Variants in C1orf52 observed in about 807,000 individuals in gnomAD.
C1orf52 encodes the protein UPF0690 protein C1orf52.
Under a neutral mutation model 17.2 loss-of-function variants are expected in C1orf52, and 5 were observed. That is an observed-to-expected ratio of 0.29 (90% CI 0.15 to 0.61). The LOEUF (loss-of-function observed/expected upper bound fraction) is 0.61. Among genes scored for constraint, C1orf52 ranks in the 20% least tolerant of loss-of-function variants. The probability of loss-of-function intolerance (pLI) is 0.85; values close to 1 mark genes in which losing one functional copy is unlikely to be tolerated. For synonymous variants in C1orf52, 110 were observed against 88.0 expected, an observed-to-expected ratio of 1.25 and a Z score of -1.40; for missense variants, 245 against 234.1, an observed-to-expected ratio of 1.05 and a Z score of -0.30.
intron 2 of C1orf52, among the ~76,000 whole-genome samples, chr1:85,256,882 G>C (rs1659957925): frequency 6.6e-6 from 1 of 151,758 alleles, no homozygotes; most frequent in South Asian, 2.1e-4. Context: ...TTTAAGGTCT[G>C]CAAAAAGATG....
chr1:85,253,292 A>T (rs1659847708), intron 2 of C1orf52, among the ~76,000 whole-genome samples: 1 of 152,216 alleles, frequency 6.6e-6, no homozygotes, highest in Non-Finnish European at 1.5e-5. Context: ...TTCTTTTTAC[A>T]AAAAATAGGT....
Position 85,259,386 on chromosome 1 carries a change from T to C in C1orf52, c.248A>G (p.Glu83Gly), listed in dbSNP as rs547428583. 6 of 1,613,550 alleles carry C rather than the reference T, an allele frequency of 3.7e-6. No individual in the cohort carries two copies. The East Asian group carries it at 8.9e-5, about 24-fold the overall frequency. The change falls in exon 1 of 3, where the codon GAG becomes GGG. Residue 83 changes from glutamate (E) to glycine (G), a missense_variant. By Grantham distance (98) the Glu-to-Gly change is moderately conservative (BLOSUM62 -2). Coordinates refer to ENST00000471115, the MANE Select transcript of C1orf52 (RefSeq NM_198077.4). The part of the protein sequence containing the change: ...YNPLNKQIDW[E>G]RHVVKAPEEP... ...CTCAGGCGCCTTGACGACGTGCCTC[T>C]CCCAGTCTATCTGTTTGTTGAGCGG...
In C1orf52 at chr1:85,252,082, C is replaced by T. The variant is rs1659814064; in HGVS notation, c.*547G>A. 6.6e-6 allele frequency: 1 copy of T among 152,396 alleles called. No individual in the cohort carries two copies. Among genetic ancestry groups the T allele is most frequent in the Non-Finnish European group, 1.5e-5 (1 of 68,132 alleles). The allele number at this position is 152,396 out of a possible 1,614,324, so 9.4% of individuals were successfully genotyped here. A position where few individuals can be genotyped will look rare whatever the true frequency, so the allele number is the denominator to read the frequency against. On this transcript the variant is annotated 3_prime_UTR_variant, in exon 3 of 3. Coordinates refer to ENST00000471115, the MANE Select transcript of C1orf52 (RefSeq NM_198077.4). ...ATATATGCACAAAGCACCTGGAACA[C>T]AGGAGGCACTCTTTAAATGGTAATA... is the stretch of plus-strand genomic sequence containing the variant.
intron 2 of C1orf52, among the ~76,000 whole-genome samples, chr1:85,255,075 T>C (rs1336190712): frequency 6.6e-6 from 1 of 152,232 alleles, no homozygotes; most frequent in African/African-American, 2.4e-5. Flanking sequence ...GGAAACAATT[T>C]TTTTATTATG....
chr1:85,253,524 C>T (rs1227598778), intron 2 of C1orf52, among the ~76,000 whole-genome samples: 1 of 152,126 alleles, frequency 6.6e-6, no homozygotes, highest in African/African-American at 2.4e-5. Flanking sequence ...CTCCCCATCC[C>T]CACTCCCACG....
rs570140498 is a variant in C1orf52, at chr1:85,259,656, G to A, written c.-23C>T. ...CATGACGGCTGCGAGCGACAACCCAGCACTCCGCCGGAAGCCGGAAACCGG... is the reference window on the plus strand; with the variant it reads ...CATGACGGCTGCGAGCGACAACCCAACACTCCGCCGGAAGCCGGAAACCGG... On this transcript the variant is annotated 5_prime_UTR_variant, in exon 1 of 3. Transcript: ENST00000471115. The A allele has an allele frequency of 2.7e-6, 4 of 1,500,700 alleles. No individual in the cohort carries two copies. Among genetic ancestry groups the A allele is most frequent in the Admixed American group, 4.3e-5 (2 of 46,592 alleles). The allele number at this position is 1,500,700 out of a possible 1,614,324, so 93.0% of individuals were successfully genotyped here. A position where few individuals can be genotyped will look rare whatever the true frequency, so the allele number is the denominator to read the frequency against.
chr1:85,257,318 G>A (rs541914318), intron 2 of C1orf52: 615 of 629,774 alleles, frequency 9.8e-4, no homozygotes, highest in Non-Finnish European at 1.6e-3. Context: ...ATTATTAGAG[G>A]TGATACCTGA....
chr1:85,258,428 T>C lies in C1orf52; in HGVS notation c.475+96A>G, dbSNP rs561173668. ...AAGACCATCAAATTAGTTTGTCAAT[T>C]CGCTAGATTTAATTTTCATTCATTA... On this transcript the variant is annotated intron_variant, in intron 2 of 2. Coordinates refer to ENST00000471115, the MANE Select transcript of C1orf52 (RefSeq NM_198077.4). 4.8e-5 allele frequency: 53 copies of C among 1,105,334 alleles called. No homozygotes were observed. The East Asian group carries it at 1.3e-3, about 26-fold the overall frequency. The allele number at this position is 1,105,334 out of a possible 1,614,324, so 68.5% of individuals were successfully genotyped here. A position where few individuals can be genotyped will look rare whatever the true frequency, so the allele number is the denominator to read the frequency against.
intron 2 of C1orf52, chr1:85,257,325 C>G: frequency 1.6e-6 from 1 of 632,066 alleles, no homozygotes; most frequent in Non-Finnish European, 2.9e-6. Context: ...GAGGTGATAC[C>G]TGAGATTTCT....
In C1orf52 at chr1:85,259,648, A is replaced by G. The variant is rs1275908830; in HGVS notation, c.-15T>C. 1.3e-6 allele frequency: 2 copies of G among 1,516,054 alleles called. No homozygotes were observed. Among genetic ancestry groups the G allele is most frequent in the South Asian group, 1.2e-5 (1 of 81,598 alleles). 93.9% of individuals were successfully genotyped at this position (1,516,054 alleles called of 1,614,324 possible). On this transcript the variant is annotated 5_prime_UTR_variant, in exon 1 of 3. Coordinates refer to ENST00000471115, the MANE Select transcript of C1orf52 (RefSeq NM_198077.4). ...TCCGCTGCCATGACGGCTGCGAGCG[A>G]CAACCCAGCACTCCGCCGGAAGCCG...
Position 85,259,377 on chromosome 1 carries a change from A to G in C1orf52, c.257T>C (p.Val86Ala). 1.2e-6 allele frequency: 2 copies of G among 1,611,492 alleles called. No homozygotes were observed. Among genetic ancestry groups the G allele is most frequent in the Non-Finnish European group, 1.7e-6 (2 of 1,177,862 alleles). ...CCTCACCTCCTCAGGCGCCTTGACG[A>G]CGTGCCTCTCCCAGTCTATCTGTTT... Reference protein sequence around the residue: ...LNKQIDWERHVVKAPEEPPKE... With the variant: ...LNKQIDWERHAVKAPEEPPKE... The change falls in exon 1 of 3, where the codon GTC becomes GCC. Residue 86 changes from valine to alanine, a missense_variant. Coordinates refer to ENST00000471115, the MANE Select transcript of C1orf52 (RefSeq NM_198077.4).
At position 85,258,623 on chromosome 1, in the gene C1orf52, T is replaced by C. The variant is rs756356325; in HGVS notation, c.376A>G (p.Ile126Val). 3 of 1,614,100 alleles carry C rather than the reference T, an allele frequency of 1.9e-6. No individual in the cohort carries two copies. The highest frequency in any genetic ancestry group is 1.3e-5 in the African/African-American group (1 of 75,040). Residue 126 changes from isoleucine (I) to valine (V), a missense_variant, in exon 2 of 3, where the codon ATA becomes GTA. Coordinates refer to ENST00000471115, the MANE Select transcript of C1orf52 (RefSeq NM_198077.4). ...KPPPPELDMAIKWSNIYEDNG... is the reference protein window; with the variant it reads ...KPPPPELDMAVKWSNIYEDNG... ...TCCTCATATATGTTAGACCATTTTA[T>C]TGCCATGTCAAGCTCTGGAGGCGGA... is the stretch of plus-strand genomic sequence containing the variant.
Position 85,257,940 on chromosome 1 carries a change from T to G in C1orf52, c.475+584A>C, listed in dbSNP as rs1249818648. On this transcript the variant is annotated intron_variant, in intron 2 of 2. Transcript: ENST00000471115. ...GACCAACATGGTGAAACCCCACCTCTACAAAAACAAAAAAAACAAAAAAAA... is the reference window on the plus strand; with the variant it reads ...GACCAACATGGTGAAACCCCACCTCGACAAAAACAAAAAAAACAAAAAAAA... 2.6e-5 allele frequency among the ~76,000 whole-genome samples: 4 copies of G among 151,746 alleles called. No individual in the cohort carries two copies. In the East Asian group the frequency reaches 7.8e-4, roughly 29 times the overall value.
In C1orf52 at chr1:85,252,243, A is replaced by T. The variant is rs1476647149; in HGVS notation, c.*386T>A. 5.2e-6 allele frequency: 1 copy of T among 191,204 alleles called. No individual in the cohort carries two copies. Among genetic ancestry groups the T allele is most frequent in the African/African-American group, 2.4e-5 (1 of 41,962 alleles). The allele number at this position is 191,204 out of a possible 1,614,324, so 11.8% of individuals were successfully genotyped here. On this transcript the variant is annotated 3_prime_UTR_variant, in exon 3 of 3. Coordinates refer to ENST00000471115, the MANE Select transcript of C1orf52 (RefSeq NM_198077.4). ...TCCATGATCTATTTACACTGTACAA[A>T]GACTGTTGAAAAGCACCCTACAAGT...
At chr1:85,259,171 G>A (rs1349163672) in intron 1 of C1orf52, 187 bp downstream of exon 1, 3 of 1,127,882 alleles carry the variant, frequency 2.7e-6, no homozygotes, top group Non-Finnish European at 3.7e-6. Flanking sequence ...CTGCGGGTCC[G>A]GTCTAACACC....
At position 85,259,647 on chromosome 1, in the gene C1orf52, G is replaced by A. The variant is rs527624693; in HGVS notation, c.-14C>T. 11 of 1,529,502 alleles carry A rather than the reference G, an allele frequency of 7.2e-6. No individual in the cohort carries two copies. Among genetic ancestry groups the A allele is most frequent in the African/African-American group, 2.9e-5 (2 of 70,038 alleles). 94.7% of individuals were successfully genotyped at this position (1,529,502 alleles called of 1,614,324 possible). A position where few individuals can be genotyped will look rare whatever the true frequency, so the allele number is the denominator to read the frequency against. On this transcript the variant is annotated 5_prime_UTR_variant, in exon 1 of 3. Transcript: ENST00000471115. ...CTCCGCTGCCATGACGGCTGCGAGC[G>A]ACAACCCAGCACTCCGCCGGAAGCC...
intron 2 of C1orf52, among the ~76,000 whole-genome samples, chr1:85,255,589 A>T (rs2100732761): frequency 6.6e-6 from 1 of 151,796 alleles, no homozygotes; most frequent in African/African-American, 2.4e-5. Flanking sequence ...AAGCAGCAAG[A>T]CCCAATGATG....
At chr1:85,254,866 A>G (rs1316934300) in intron 2 of C1orf52, among the ~76,000 whole-genome samples, 1 of 152,272 alleles carries the variant, frequency 6.6e-6, no homozygotes, top group African/African-American at 2.4e-5. Flanking sequence ...CAAGTAAATT[A>G]ACTGAATAAC....
rs1332845454 is a variant in C1orf52, at chr1:85,258,604, T to C, written c.395A>G (p.Tyr132Cys). Reference protein sequence around the residue: ...LDMAIKWSNIYEDNGDDAPQN... With the variant: ...LDMAIKWSNICEDNGDDAPQN... The stretch of plus-strand genomic sequence containing the variant: ...TGGAGCATCATCACCATTGTCCTCA[T>C]ATATGTTAGACCATTTTATTGCCAT... Residue 132 changes from tyrosine (Y) to cysteine (C), a missense_variant, in exon 2 of 3, where the codon TAT becomes TGT. Transcript: ENST00000471115. 3.1e-6 allele frequency: 5 copies of C among 1,614,058 alleles called. No homozygotes were observed. Among genetic ancestry groups the C allele is most frequent in the East Asian group, 2.2e-5 (1 of 44,900 alleles).
Sources: allele counts gnomAD v4.1 joint callset (sites outside exome capture counted in the v4.1 genomes callset), GRCh38; gene constraint gnomAD v4.1.1; transcripts MANE v1.5; gene names NCBI Gene and HGNC (gene_info 2026-07-23, HGNC 2026-07-21).